NRF1: variants seen among roughly 807,000 people sequenced by gnomAD.
NRF1 encodes the protein nuclear respiratory factor 1.
In NRF1, 5 loss-of-function variants were observed where a neutral mutation model predicts 58.5. That is an observed-to-expected ratio of 0.09 (90% CI 0.04 to 0.18). The LOEUF is 0.18. NRF1 is among the 10% of genes least tolerant of loss of function. NRF1 has a pLI of 1.00. For missense variants in NRF1, 288 were observed against 657.7 expected (o/e 0.44, Z 6.15); for synonymous variants, 224 against 246.7 (o/e 0.91, Z 0.86).
chr7:129,655,577 A>T (rs1173978976), intron 1 of NRF1, among the ~76,000 whole-genome samples: 1 of 151,366 alleles, frequency 6.6e-6, no homozygotes, highest in East Asian at 1.9e-4. Flanking sequence ...GCTGGAGCGT[A>T]GTGGCATGAT....
chr7:129,640,705 A>G (rs1801270887), intron 1 of NRF1, among the ~76,000 whole-genome samples: 1 of 152,148 alleles, frequency 6.6e-6, no homozygotes, highest in African/African-American at 2.4e-5. Context: ...CAGCTGGAAC[A>G]CTTGATTGAG....
At chr7:129,725,181 G>A (rs900361230) in intron 9 of NRF1, among the ~76,000 whole-genome samples, 2 of 152,330 alleles carry the variant, frequency 1.3e-5, no homozygotes, top group South Asian at 4.1e-4. Flanking sequence ...GAAGAGAGTT[G>A]TGGAGATGAA....
intron 9 of NRF1, among the ~76,000 whole-genome samples, chr7:129,720,827 G>A (rs1203000924): frequency 6.6e-6 from 1 of 152,090 alleles, no homozygotes; most frequent in Non-Finnish European, 1.5e-5. Context: ...AACCCAAAGT[G>A]GGTATGGAGA....
intron 1 of NRF1, chr7:129,633,429 A>G (rs1801095028): frequency 6.6e-6 from 1 of 152,130 alleles, no homozygotes; most frequent in Admixed American, 6.5e-5. Context: ...CTGTGTTGTG[A>G]CTTCTTTTGT....
intron 1 of NRF1, among the ~76,000 whole-genome samples, chr7:129,617,352 A>G (rs756621830): frequency 2.0e-5 from 3 of 152,220 alleles, no homozygotes; most frequent in Admixed American, 1.3e-4. Flanking sequence ...CCTACAAAGA[A>G]CAAGGGGAAA....
chr7:129,614,076 T>C (rs576235281), intron 1 of NRF1, among the ~76,000 whole-genome samples: 2 of 152,324 alleles, frequency 1.3e-5, no homozygotes, highest in African/African-American at 4.8e-5. Flanking sequence ...AAAGAAAAGT[T>C]CTTATCCCCA....
At chr7:129,621,919 A>AT (rs1800805845) in intron 1 of NRF1, among the ~76,000 whole-genome samples, 1 of 150,964 alleles carries the variant, frequency 6.6e-6, no homozygotes, top group Non-Finnish European at 1.5e-5. Flanking sequence ...AGTAGCTGGG[A>AT]TTACAGGCAC....
intron 4 of NRF1, among the ~76,000 whole-genome samples, chr7:129,686,973 T>C (rs1182894658): frequency 6.6e-6 from 1 of 152,226 alleles, no homozygotes; most frequent in Non-Finnish European, 1.5e-5. Context: ...ACTTAGAATT[T>C]TTATTTTCTA....
intron 1 of NRF1, among the ~76,000 whole-genome samples, chr7:129,651,104 T>C (rs1346702387): frequency 6.6e-6 from 1 of 152,170 alleles, no homozygotes; most frequent in Admixed American, 6.5e-5. Flanking sequence ...TTGCCTTTGC[T>C]TTTCACAGGG....
At chr7:129,680,122 A>G (rs1802274250) in intron 4 of NRF1, among the ~76,000 whole-genome samples, 1 of 152,186 alleles carries the variant, frequency 6.6e-6, no homozygotes, top group African/African-American at 2.4e-5. Flanking sequence ...TTCTTCAAAG[A>G]AGATGTAGAA....
chr7:129,703,120 C>A (rs1802871332), intron 5 of NRF1, among the ~76,000 whole-genome samples: 2 of 152,038 alleles, frequency 1.3e-5, no homozygotes, highest in Admixed American at 1.3e-4. Context: ...CTTTACTTTT[C>A]ACTGACACAG....
chr7:129,642,777 A>T (rs1298058378), intron 1 of NRF1, among the ~76,000 whole-genome samples: 23 of 126,964 alleles, frequency 1.8e-4, no homozygotes, highest in Admixed American at 1.5e-3. Flanking sequence ...TTTTTTTTTT[A>T]AATGAGATAG....
At chr7:129,704,511 T>G (rs1205585907) in intron 5 of NRF1, among the ~76,000 whole-genome samples, 2 of 152,146 alleles carry the variant, frequency 1.3e-5, no homozygotes, top group Non-Finnish European at 2.9e-5. Flanking sequence ...ATGGTCACAT[T>G]TAGACTTTGA....
rs576815941 is a variant in NRF1 at position 129,690,768 on chromosome 7, GT to G, written c.606+231del. Among the ~76,000 whole-genome samples the G allele has an allele frequency of 3.4e-3, 508 of 150,964 alleles. 3 individuals carry two copies. Among genetic ancestry groups the G allele is most frequent in the African/African-American group, 0.012 (474 of 41,166 alleles). On this transcript the variant is annotated intron_variant, in intron 5 of 10. Coordinates refer to ENST00000393232, the MANE Select transcript of NRF1 (RefSeq NM_005011.5). The stretch of plus-strand genomic sequence containing the variant: ...CTGTGGTCTCCTCTTTCTTCTGGCA[GT>G]TTTTTTTTCCCTTTCACTTGGGCCT...
chr7:129,726,499 A>G (rs1018402344), intron 9 of NRF1, among the ~76,000 whole-genome samples: 1 of 152,206 alleles, frequency 6.6e-6, no homozygotes, highest in Non-Finnish European at 1.5e-5. Context: ...ATGTCTTCCT[A>G]TTCTACAGAG....
rs192774674 is a variant in NRF1, at chr7:129,627,515, T to A, written c.-7+15691T>A. ...AACCACCTTGCCCAGCAAAAGTGCTTTTTTAAAAAAGAGTAACATTTTGTA... is the reference window on the plus strand; with the variant it reads ...AACCACCTTGCCCAGCAAAAGTGCTATTTTAAAAAAGAGTAACATTTTGTA... On this transcript the variant is annotated intron_variant, in intron 1 of 10. Transcript: ENST00000393232. Among the ~76,000 whole-genome samples the A allele has an allele frequency of 3.3e-5, 5 of 152,258 alleles. No individual in the cohort carries two copies. The East Asian group carries it at 9.6e-4, about 29-fold the overall frequency.
chr7:129,687,575 G>A (rs1053733840), intron 4 of NRF1, among the ~76,000 whole-genome samples: 6 of 152,032 alleles, frequency 3.9e-5, no homozygotes, highest in African/African-American at 9.7e-5. Flanking sequence ...CGTGCCTGGC[G>A]ATGCTTCTTG....
chr7:129,701,160 T>C (rs1802816189), intron 5 of NRF1, among the ~76,000 whole-genome samples: 1 of 152,058 alleles, frequency 6.6e-6, no homozygotes. Context: ...AAGAAAAAGA[T>C]AATTAGAAAA....
chr7:129,619,472 G>T (rs1475345675), intron 1 of NRF1, among the ~76,000 whole-genome samples: 1 of 25,860 alleles, frequency 3.9e-5, no homozygotes, highest in African/African-American at 8.3e-5. Flanking sequence ...GTGTGTGTGT[G>T]TGTGTGTGTG....
Sources: allele counts gnomAD v4.1 joint callset (sites outside exome capture counted in the v4.1 genomes callset), GRCh38; gene constraint gnomAD v4.1.1; transcripts MANE v1.5; gene names NCBI Gene and HGNC (gene_info 2026-07-23, HGNC 2026-07-21).